Variants in PLEKHM2 observed in about 807,000 individuals in gnomAD.
PLEKHM2 encodes the protein pleckstrin homology domain-containing family M member 2.
Under a neutral mutation model 116.3 loss-of-function variants are expected in PLEKHM2, and 77 were observed. The ratio of observed to expected loss-of-function variants is 0.66; its 90% CI spans 0.55 to 0.80. The LOEUF is 0.80. PLEKHM2 is among the 30% of genes least tolerant of loss of function. PLEKHM2 has a pLI of 0.00. For synonymous variants in PLEKHM2, 562 were observed against 571.0 expected (o/e 0.98, Z 0.22); for missense variants, 1,183 against 1,354.9 (o/e 0.87, Z 1.99).
Position 15,731,280 on chromosome 1 carries a change from G to C in PLEKHM2, c.2465+23G>C, listed in dbSNP as rs565683942. ...GGGGTAAGTGTCCCGGGAGAAGCGG[G>C]TGTATCCTGGGGCCCAGAGCTGCCG... On this transcript the variant is annotated intron_variant, in intron 16 of 19. Transcript: ENST00000375799. 7 of 1,543,476 alleles carry C rather than the reference G, an allele frequency of 4.5e-6. No homozygotes were observed. In the South Asian group the frequency reaches 7.1e-5, roughly 16 times the overall value.
intron 7 of PLEKHM2, among the ~76,000 whole-genome samples, chr1:15,723,892 G>A (rs1033278863): frequency 6.6e-6 from 1 of 152,254 alleles, no homozygotes; most frequent in Non-Finnish European, 1.5e-5. Context: ...CGGGCAGACA[G>A]CGGCCAGCAA....
upstream of PLEKHM2, among the ~76,000 whole-genome samples, chr1:15,683,907 G>C (rs1640700183): frequency 6.7e-6 from 1 of 149,030 alleles, no homozygotes; most frequent in African/African-American, 2.5e-5. Context: ...GAGGGAATCT[G>C]TGGGCTGACG....
chr1:15,688,007 G>A (rs1243537568), intron 1 of PLEKHM2, among the ~76,000 whole-genome samples: 1 of 152,166 alleles, frequency 6.6e-6, no homozygotes, highest in African/African-American at 2.4e-5. Context: ...ATGCCTACAG[G>A]AAAGTGTACA....
intron 4 of PLEKHM2, 88 bp from the exon 5 acceptor site, chr1:15,718,450 G>T (rs12091644): frequency 2.5e-6 from 2 of 799,428 alleles, no homozygotes; most frequent in Non-Finnish European, 4.3e-6. Context: ...TCACGTGTCA[G>T]ATTTCAACAC....
At chr1:15,716,901 AG>A in intron 3 of PLEKHM2, 85 bp downstream of exon 3, 1 of 1,518,454 alleles carries the variant, frequency 6.6e-7, no homozygotes, top group Non-Finnish European at 8.9e-7. Flanking sequence ...GTTTACCCTC[AG>A]GGTCAGCCCT....
At chr1:15,712,886 C>G (rs778350292) in intron 1 of PLEKHM2, among the ~76,000 whole-genome samples, 1 of 151,996 alleles carries the variant, frequency 6.6e-6, no homozygotes, top group Non-Finnish European at 1.5e-5. Flanking sequence ...CTGCAACCTC[C>G]ACCTCCTAGG....
chr1:15,710,486 G>C (rs1641310539), intron 1 of PLEKHM2, among the ~76,000 whole-genome samples: 2 of 151,630 alleles, frequency 1.3e-5, no homozygotes, highest in Non-Finnish European at 2.9e-5. Flanking sequence ...GTGGGGCCCG[G>C]CTAATTTTTG....
At chr1:15,702,411 G>A (rs1036585257) in intron 1 of PLEKHM2, among the ~76,000 whole-genome samples, 14 of 152,000 alleles carry the variant, frequency 9.2e-5, no homozygotes, top group Admixed American at 6.6e-4. Flanking sequence ...CATTCTTCAG[G>A]TGGGTTTTTT....
At chr1:15,710,350 C>T (rs570333422) in intron 1 of PLEKHM2, among the ~76,000 whole-genome samples, 5 of 151,804 alleles carry the variant, frequency 3.3e-5, no homozygotes, top group South Asian at 4.2e-4. Flanking sequence ...TTATTTGAAA[C>T]GGAGTCTCAC....
chr1:15,733,079 G>A (rs1342059814), intron 19 of PLEKHM2, among the ~76,000 whole-genome samples: 1 of 152,244 alleles, frequency 6.6e-6, no homozygotes, highest in African/African-American at 2.4e-5. Context: ...TTCTGCCTCT[G>A]GTTTGGACTG....
chr1:15,681,813 A>T (rs1640650601), upstream of PLEKHM2, among the ~76,000 whole-genome samples: 3 of 152,164 alleles, frequency 2.0e-5, no homozygotes, highest in Admixed American at 2.0e-4. Flanking sequence ...TGGAGTCTCA[A>T]CCCTCATCTG....
chr1:15,698,171 C>T (rs1322942046), intron 1 of PLEKHM2, among the ~76,000 whole-genome samples: 3 of 152,130 alleles, frequency 2.0e-5, no homozygotes, highest in African/African-American at 7.2e-5. Flanking sequence ...TAAGACATCG[C>T]TGAAGGACAG....
chr1:15,695,002 C>T (rs908121593), intron 1 of PLEKHM2, among the ~76,000 whole-genome samples: 6 of 152,182 alleles, frequency 3.9e-5, no homozygotes, highest in African/African-American at 1.2e-4. Context: ...AAGTGATCCA[C>T]CTGCCTTGGC....
chr1:15,705,034 G>A (rs543544778), intron 1 of PLEKHM2, among the ~76,000 whole-genome samples: 139 of 152,106 alleles, frequency 9.1e-4, no homozygotes, highest in African/African-American at 3.1e-3. Flanking sequence ...CTGGTCTAAC[G>A]CAGCCCTGGC....
chr1:15,689,657 T>C (rs1031444496), intron 1 of PLEKHM2, among the ~76,000 whole-genome samples: 1 of 152,222 alleles, frequency 6.6e-6, no homozygotes, highest in Non-Finnish European at 1.5e-5. Flanking sequence ...AATACCTTGC[T>C]TACAGTCAGG....
chr1:15,728,259 G>GC lies in PLEKHM2; in HGVS notation c.1831-3dup, dbSNP rs754597257. ...ACCTGCCTGACCCTTGTCTGCTTCG[G>GC]CCCCCAGATGATCCGGATGAGCACC... is the stretch of plus-strand genomic sequence containing the variant. On this transcript the variant is annotated splice_region_variant and splice_polypyrimidine_tract_variant and intron_variant, in intron 10 of 19. Transcript: ENST00000375799. The surrounding 1 kb of genome is among the most constrained non-coding windows in gnomAD (Gnocchi z 5.9). 8.1e-6 allele frequency: 13 copies of GC among 1,612,920 alleles called. No homozygotes were observed. The South Asian group carries it at 1.1e-4, about 14-fold the overall frequency.
In PLEKHM2 at chr1:15,727,482, G is replaced by A. The variant is rs1320576929; in HGVS notation, c.1410G>A (p.Glu470=). 15 of 1,597,784 alleles carry A rather than the reference G, an allele frequency of 9.4e-6. No homozygotes were observed. In the East Asian group the frequency reaches 3.4e-4, roughly 36 times the overall value. ...TGGACTTCTACCGCTTTACCGTCGA[G>A]AGTCCAAGCACTGTTACATCAGGTG... is the stretch of plus-strand genomic sequence containing the variant. ...APMDFYRFTV[E]SPSTVTSGGG... The change falls in exon 9 of 20, where the codon GAG becomes GAA. Residue 470 remains glutamate (E), a synonymous_variant. Coordinates refer to ENST00000375799, the MANE Select transcript of PLEKHM2 (RefSeq NM_015164.4). This position sits in a 1 kb window ranked among gnomAD's most constrained non-coding sequence, Gnocchi z 7.5.
At chr1:15,694,263 C>T (rs551261624) in intron 1 of PLEKHM2, among the ~76,000 whole-genome samples, 104 of 152,122 alleles carry the variant, frequency 6.8e-4, no homozygotes, top group African/African-American at 2.3e-3. Flanking sequence ...GCAGGAGAAT[C>T]GCTTGAACCC....
intron 1 of PLEKHM2, among the ~76,000 whole-genome samples, chr1:15,714,348 T>TAAAAAAAA: frequency 9.1e-6 from 1 of 110,224 alleles, no homozygotes; most frequent in Non-Finnish European, 1.9e-5. Context: ...ATTTTGAAAT[T>TAAAAAAAA]AAAAAAAAAA....
Sources: gnomAD v4.1 joint callset for allele counts (sites outside exome capture counted in the v4.1 genomes callset) on GRCh38, gnomAD v4.1.1 for gene constraint, Gnocchi (gnomAD v3.1) non-coding constraint, MANE v1.5 for transcripts, NCBI Gene and HGNC (gene_info 2026-07-23, HGNC 2026-07-21) for gene names.